PTPN4: variants seen among roughly 807,000 people sequenced by gnomAD.
PTPN4 encodes tyrosine-protein phosphatase non-receptor type 4.
In PTPN4, 49 loss-of-function variants were observed where a neutral mutation model predicts 135.5. The observed-to-expected ratio is 0.36, with a 90% CI of 0.29 to 0.46. The LOEUF is 0.46. PTPN4 is among the 20% of genes least tolerant of loss of function. PTPN4 has a pLI of 1.00. For missense variants in PTPN4, 860 were observed against 1,101.0 expected (o/e 0.78, Z 3.10); for synonymous variants, 333 against 369.9 (o/e 0.90, Z 1.14).
chr2:119,817,524 T>C (rs60161175), intron 2 of PTPN4, among the ~76,000 whole-genome samples: 3,863 of 152,246 alleles, frequency 0.025, 165 homozygotes, highest in African/African-American at 0.087. Context: ...TTGGTTTATA[T>C]GTCTGTTTTT....
chr2:119,803,836 A>G (rs747582089), intron 1 of PTPN4, among the ~76,000 whole-genome samples: 90 of 150,300 alleles, frequency 6.0e-4, no homozygotes, highest in South Asian at 1.7e-3. Context: ...GTTGGTTGGT[A>G]CATCCACATT....
chr2:119,845,248 GA>G (rs1677475807), intron 2 of PTPN4, among the ~76,000 whole-genome samples: 1 of 71,020 alleles, frequency 1.4e-5, no homozygotes, highest in African/African-American at 5.4e-5. Flanking sequence ...GGGAGAGGGG[GA>G]GGGGGAGGGG....
rs114810776 is a variant in PTPN4 at position 119,764,460 on chromosome 2, A to G, written c.-18+4076A>G. On this transcript the variant is annotated intron_variant, in intron 1 of 26. Transcript: ENST00000263708. ...TGTTTTTTCCTTTGTCCTCGTTTCCATAATTTAAACATCTCTGTCTCCAAT... is the reference window on the plus strand; with the variant it reads ...TGTTTTTTCCTTTGTCCTCGTTTCCGTAATTTAAACATCTCTGTCTCCAAT... Among the ~76,000 whole-genome samples, 503 of 152,282 alleles carry G rather than the reference A, an allele frequency of 3.3e-3. 2 individuals are homozygous for G. Among genetic ancestry groups the G allele is most frequent in the African/African-American group, 0.011 (474 of 41,558 alleles).
In PTPN4 at chr2:119,760,167, T is replaced by A. The variant is rs1690452794; in HGVS notation, c.-235T>A. 2 of 393,496 alleles carry A rather than the reference T, an allele frequency of 5.1e-6. No individual in the cohort carries two copies. Among genetic ancestry groups the A allele is most frequent in the Non-Finnish European group, 9.0e-6 (2 of 223,060 alleles). The allele number at this position is 393,496 out of a possible 1,614,324, so 24.4% of individuals were successfully genotyped here. On this transcript the variant is annotated 5_prime_UTR_variant, in exon 1 of 27. Transcript: ENST00000263708. ...TAGGAGAGGTCGCCGGCTGCCCGCC[T>A]CCCTGCCACCTCCCCAGCGGCGCCG...
chr2:119,782,216 A>G (rs1183916498), intron 1 of PTPN4, among the ~76,000 whole-genome samples: 1 of 152,138 alleles, frequency 6.6e-6, no homozygotes, highest in Non-Finnish European at 1.5e-5. Context: ...CAGGAGTTCA[A>G]AACCAGCCTG....
chr2:119,954,373 T>G (rs1330463654), intron 19 of PTPN4, among the ~76,000 whole-genome samples: 1 of 152,096 alleles, frequency 6.6e-6, no homozygotes, highest in African/African-American at 2.4e-5. Context: ...CTATACCACT[T>G]TTTTTCAAAC....
intron 15 of PTPN4, 67 bp downstream of exon 15, chr2:119,935,025 T>TTA: frequency 6.8e-7 from 1 of 1,468,868 alleles, no homozygotes; most frequent in Non-Finnish European, 9.3e-7. Context: ...CTTAAAATAA[T>TTA]CTGGGAAATT....
At chr2:119,787,452 T>C (rs183698433) in intron 1 of PTPN4, among the ~76,000 whole-genome samples, 6 of 152,334 alleles carry the variant, frequency 3.9e-5, no homozygotes, top group African/African-American at 1.4e-4. Context: ...TTACTACTAA[T>C]AGTGATACTG....
chr2:119,885,490 A>T (rs1304693250), intron 8 of PTPN4, among the ~76,000 whole-genome samples: 1 of 152,220 alleles, frequency 6.6e-6, no homozygotes, highest in African/African-American at 2.4e-5. Context: ...ATTTTGAGAA[A>T]TACTGCTTTT....
At chr2:119,814,935 T>G (rs1676964285) in intron 2 of PTPN4, among the ~76,000 whole-genome samples, 1 of 152,240 alleles carries the variant, frequency 6.6e-6, no homozygotes, top group African/African-American at 2.4e-5. Flanking sequence ...TTATCTATTT[T>G]GAAATCCTTT....
At chr2:119,961,861 T>C (rs772172096) in intron 23 of PTPN4, among the ~76,000 whole-genome samples, 6 of 152,074 alleles carry the variant, frequency 3.9e-5, no homozygotes, top group Non-Finnish European at 7.4e-5. Flanking sequence ...AGTAGATCAG[T>C]GGTGGTCTAG....
At chr2:119,817,192 C>T (rs1049487415) in intron 2 of PTPN4, among the ~76,000 whole-genome samples, 1 of 151,996 alleles carries the variant, frequency 6.6e-6, no homozygotes, top group Non-Finnish European at 1.5e-5. Context: ...ATACTTTTGG[C>T]TTTTACATTT....
chr2:119,882,715 A>G, intron 8 of PTPN4, 92 bp downstream of exon 8: 4 of 1,042,476 alleles, frequency 3.8e-6, no homozygotes, highest in Admixed American at 3.5e-5. Flanking sequence ...GCTGTATTTA[A>G]TATAGAACAA....
chr2:119,938,818 CTT>C (rs200581246), intron 15 of PTPN4, among the ~76,000 whole-genome samples: 22 of 145,382 alleles, frequency 1.5e-4, no homozygotes, highest in Admixed American at 4.1e-4. Flanking sequence ...TTCTGAGAAA[CTT>C]TTTTTTTTTT....
At chr2:119,786,728 T>C (rs1257943352) in intron 1 of PTPN4, among the ~76,000 whole-genome samples, 2 of 152,236 alleles carry the variant, frequency 1.3e-5, no homozygotes, top group East Asian at 3.8e-4. Flanking sequence ...CTGAGGCAGC[T>C]ACTAAGGTCT....
At chr2:119,874,265 G>A (rs949095199) in intron 3 of PTPN4, among the ~76,000 whole-genome samples, 3 of 152,138 alleles carry the variant, frequency 2.0e-5, no homozygotes, top group Admixed American at 6.5e-5. Context: ...AAACAAGTTT[G>A]GCAGTTTCTC....
At chr2:119,891,399 TG>T (rs1202333370) in intron 9 of PTPN4, among the ~76,000 whole-genome samples, 1 of 152,222 alleles carries the variant, frequency 6.6e-6, no homozygotes, top group East Asian at 1.9e-4. Flanking sequence ...CTCAGGTCAC[TG>T]CAACCTCTGC....
chr2:119,961,176 G>C (rs1227659272), intron 23 of PTPN4, among the ~76,000 whole-genome samples: 3 of 151,914 alleles, frequency 2.0e-5, no homozygotes, highest in Admixed American at 2.0e-4. Context: ...TATTTAAAGG[G>C]ATTAATATAC....
chr2:119,766,951 C>T (rs1422481147), intron 1 of PTPN4, among the ~76,000 whole-genome samples: 1 of 152,146 alleles, frequency 6.6e-6, no homozygotes, highest in African/African-American at 2.4e-5. Flanking sequence ...TTCCAGTGAG[C>T]CAGGTATTTT....
Sources: allele counts gnomAD v4.1 joint callset (sites outside exome capture counted in the v4.1 genomes callset), GRCh38; gene constraint gnomAD v4.1.1; transcripts MANE v1.5; gene names NCBI Gene and HGNC (gene_info 2026-07-23, HGNC 2026-07-21).